The following NCOA1 variants were observed in gnomAD, a reference collection of about 807,000 sequenced individuals.
NCOA1 encodes nuclear receptor coactivator 1, also known as Hin-2 protein.
A neutral mutation model predicts 150.9 loss-of-function variants in NCOA1; 35 were observed. The ratio of observed to expected loss-of-function variants is 0.23; its 90% CI spans 0.18 to 0.31. The LOEUF (loss-of-function observed/expected upper bound fraction) is 0.31, where lower values mean the gene tolerates loss of function less well. Ranked by LOEUF, NCOA1 falls within the 10% of genes least tolerant of loss-of-function variation. The pLI is 1.00. For synonymous variants in NCOA1, 590 were observed against 630.0 expected (o/e 0.94, Z 0.95); for missense variants, 1,491 against 1,749.3 (o/e 0.85, Z 2.63).
Position 24,706,906 on chromosome 2 carries a change from C to T in NCOA1, c.1436C>T (p.Thr479Ile), listed in dbSNP as rs759191634. 7 of 1,614,062 alleles carry T rather than the reference C, an allele frequency of 4.3e-6. No homozygotes were observed. In the East Asian group the frequency reaches 1.3e-4, roughly 31 times the overall value. The change falls in exon 13 of 23, where the codon ACA (threonine) becomes ATA (isoleucine). Residue 479 changes from threonine (T) to isoleucine (I), a missense_variant. Thr to Ile is a moderately conservative substitution (Grantham distance 89). Coordinates refer to ENST00000348332, the MANE Select transcript of NCOA1 (RefSeq NM_003743.5). The stretch of plus-strand genomic sequence containing the variant: ...CTCAATAATTCTCCTATGGAAGGTA[C>T]AGGAATATCCCTAGCACAGTTCATG... ...LNLNNSPMEGTGISLAQFMSP... is the reference protein window; with the variant it reads ...LNLNNSPMEGIGISLAQFMSP...
intron 2 of NCOA1, among the ~76,000 whole-genome samples, chr2:24,583,134 A>C (rs972105170): frequency 6.6e-5 from 10 of 152,192 alleles, no homozygotes; most frequent in Non-Finnish European, 1.0e-4. Context: ...GACGACCTGA[A>C]GAATGGGAGA....
At chr2:24,662,596 A>G (rs1671232376) in intron 5 of NCOA1, among the ~76,000 whole-genome samples, 1 of 152,214 alleles carries the variant, frequency 6.6e-6, no homozygotes, top group Non-Finnish European at 1.5e-5. Context: ...TACTGAGCTA[A>G]AAGTATATAC....
chr2:24,643,498 A>G (rs1025332728), intron 3 of NCOA1, among the ~76,000 whole-genome samples: 2 of 152,226 alleles, frequency 1.3e-5, no homozygotes, highest in African/African-American at 4.8e-5. Flanking sequence ...CCAGAGCTCA[A>G]CTAACATCTT....
At chr2:24,767,950 A>G (rs1265908967) in intron 22 of NCOA1, 5 of 833,086 alleles carry the variant, frequency 6.0e-6, no homozygotes, top group Non-Finnish European at 9.7e-6. Context: ...AACATTAGCA[A>G]TGATACTCAC....
chr2:24,720,986 A>C (rs1674333576), intron 14 of NCOA1, among the ~76,000 whole-genome samples: 1 of 152,114 alleles, frequency 6.6e-6, no homozygotes, highest in Admixed American at 6.5e-5. Context: ...CTCCTTCACC[A>C]CCTGAGATAC....
At chr2:24,581,635 C>G (rs1039998177) in intron 2 of NCOA1, among the ~76,000 whole-genome samples, 1 of 151,996 alleles carries the variant, frequency 6.6e-6, no homozygotes, top group African/African-American at 2.4e-5. Flanking sequence ...CCAGCTTCTT[C>G]AGCTCCAAGG....
chr2:24,545,305 A>G (rs1665564971), intron 1 of NCOA1, among the ~76,000 whole-genome samples: 2 of 152,228 alleles, frequency 1.3e-5, no homozygotes, highest in African/African-American at 2.4e-5. Flanking sequence ...GGGGGTTGGT[A>G]AAGGGATACA....
In NCOA1 at chr2:24,706,871, C is replaced by T. The variant is rs1457541934; in HGVS notation, c.1401C>T (p.Pro467=). 8 of 1,614,066 alleles carry T rather than the reference C, an allele frequency of 5.0e-6. No individual in the cohort carries two copies. Among genetic ancestry groups the T allele is most frequent in the Non-Finnish European group, 6.8e-6 (8 of 1,180,042 alleles). Residue 467 remains proline, a synonymous_variant, in exon 13 of 23, where the codon CCC becomes CCT. Coordinates refer to ENST00000348332, the MANE Select transcript of NCOA1 (RefSeq NM_003743.5). ...QGQASSQSSN[P]SLNLNNSPME... is the part of the protein sequence containing the mutation. The stretch of plus-strand genomic sequence containing the variant: ...AGGCCAGTTCACAGAGCAGTAATCC[C>T]TCTTTAAACCTCAATAATTCTCCTA...
intron 1 of NCOA1, among the ~76,000 whole-genome samples, chr2:24,533,119 T>A (rs1178211085): frequency 1.3e-5 from 2 of 152,214 alleles, no homozygotes; most frequent in African/African-American, 4.8e-5. Context: ...GTGTCCTCTT[T>A]TATTTCATTG....
chr2:24,635,248 A>G (rs183771635), intron 3 of NCOA1, among the ~76,000 whole-genome samples: 7 of 151,926 alleles, frequency 4.6e-5, no homozygotes, highest in Non-Finnish European at 7.4e-5. Flanking sequence ...ACTTCTGACC[A>G]TTTGCATATC....
intron 3 of NCOA1, among the ~76,000 whole-genome samples, chr2:24,616,147 A>G (rs532535080): frequency 6.6e-6 from 1 of 151,898 alleles, no homozygotes; most frequent in South Asian, 2.1e-4. Context: ...TTAGAGGAAG[A>G]GAGAAGAGAA....
At chr2:24,714,404 AGAAGTAATAGAAAAAG>A (rs1673914364) in intron 14 of NCOA1, among the ~76,000 whole-genome samples, 1 of 152,190 alleles carries the variant, frequency 6.6e-6, no homozygotes, top group Non-Finnish European at 1.5e-5. Flanking sequence ...CAGAGATGAT[AGAAGTAATAGAAAAAG>A]ATTTGAAAAT....
intron 1 of NCOA1, among the ~76,000 whole-genome samples, chr2:24,521,804 C>A (rs754549002): frequency 1.1e-4 from 16 of 152,064 alleles, no homozygotes; most frequent in Non-Finnish European, 1.8e-4. Context: ...AGGAACCTCC[C>A]TACTATTTTT....
intron 3 of NCOA1, among the ~76,000 whole-genome samples, chr2:24,617,658 G>A (rs995989221): frequency 6.6e-6 from 1 of 152,084 alleles, no homozygotes; most frequent in African/African-American, 2.4e-5. Context: ...TCAGACATCT[G>A]TTATCTCCCA....
intron 4 of NCOA1, among the ~76,000 whole-genome samples, chr2:24,657,435 A>T (rs1289479342): frequency 6.6e-6 from 1 of 152,248 alleles, no homozygotes; most frequent in Non-Finnish European, 1.5e-5. Context: ...AAAAGAGAAG[A>T]ATAAAAAATT....
At chr2:24,586,567 G>C (rs982015839) in intron 3 of NCOA1, among the ~76,000 whole-genome samples, 1 of 152,056 alleles carries the variant, frequency 6.6e-6, no homozygotes, top group African/African-American at 2.4e-5. Flanking sequence ...TGCAACTTCT[G>C]CCTCCATAGC....
Position 24,595,314 on chromosome 2 carries a change from A to G in NCOA1, c.-175+10754A>G, listed in dbSNP as rs574621984. On this transcript the variant is annotated intron_variant, in intron 3 of 22. Coordinates refer to ENST00000348332, the MANE Select transcript of NCOA1 (RefSeq NM_003743.5). Reference sequence around the variant, plus strand: ...GCACACCTCCAATGTATTGAATTCTATTTAAATTTACAAAACAGAAGTTTC... The same window carrying G: ...GCACACCTCCAATGTATTGAATTCTGTTTAAATTTACAAAACAGAAGTTTC... 2.2e-4 allele frequency among the ~76,000 whole-genome samples: 34 copies of G among 152,176 alleles called. No homozygotes were observed. The South Asian group carries it at 3.3e-3, about 15-fold the overall frequency.
At chr2:24,637,657 G>A (rs935679899) in intron 3 of NCOA1, among the ~76,000 whole-genome samples, 4 of 151,968 alleles carry the variant, frequency 2.6e-5, no homozygotes, top group Admixed American at 1.3e-4. Context: ...CTAGCTGTTT[G>A]AAACTATACA....
At chr2:24,565,859 G>C (rs557977265) in intron 2 of NCOA1, among the ~76,000 whole-genome samples, 1 of 152,326 alleles carries the variant, frequency 6.6e-6, no homozygotes, top group Admixed American at 6.5e-5. Context: ...TGGACTAGGT[G>C]TATCACAAGC....
Sources: gnomAD v4.1 joint callset for allele counts (sites outside exome capture counted in the v4.1 genomes callset) on GRCh38, gnomAD v4.1.1 for gene constraint, MANE v1.5 for transcripts, NCBI Gene and HGNC (gene_info 2026-07-23, HGNC 2026-07-21) for gene names.